Variants in FLRT2 observed in about 807,000 individuals in gnomAD.
FLRT2 encodes leucine-rich repeat transmembrane protein FLRT2.
A neutral mutation model predicts 40.0 loss-of-function variants in FLRT2; 15 were observed. That is an observed-to-expected ratio of 0.38 (90% confidence interval 0.25 to 0.58). The LOEUF (loss-of-function observed/expected upper bound fraction) is 0.58, where lower values mean the gene tolerates loss of function less well. FLRT2 is among the 20% of genes least tolerant of loss of function. The probability of loss-of-function intolerance (pLI) is 0.71; values close to 1 mark genes in which losing one functional copy is unlikely to be tolerated. For missense variants in FLRT2, 726 were observed against 840.0 expected (o/e 0.86, Z 1.68); for synonymous variants, 380 against 336.8 (o/e 1.13, Z -1.41).
intron 1 of FLRT2, among the ~76,000 whole-genome samples, chr14:85,556,859 A>G (rs533025511): frequency 8.5e-5 from 13 of 152,352 alleles, no homozygotes; most frequent in Non-Finnish European, 7.3e-5. Flanking sequence ...AGACATACCC[A>G]AGACTGGGAA....
Position 85,622,300 on chromosome 14 carries a change from C to T in FLRT2, c.786C>T (p.Asn262=), listed in dbSNP as rs2139371155. The T allele has an allele frequency of 6.2e-7, 1 of 1,614,126 alleles. No individual in the cohort carries two copies. The highest frequency in any genetic ancestry group is 2.2e-5 in the East Asian group (1 of 44,866). The change falls in exon 2 of 2, where the codon AAC becomes AAT. Residue 262 remains asparagine, a synonymous_variant. Coordinates refer to ENST00000330753, the MANE Select transcript of FLRT2 (RefSeq NM_013231.6). ...TGATCAGGCTCTATTTGCAGGACAA[C>T]CAGATAAACCACATTCCTTTGACAG... is the stretch of plus-strand genomic sequence containing the variant. ...THLIRLYLQD[N]QINHIPLTAF...
intron 1 of FLRT2, among the ~76,000 whole-genome samples, chr14:85,565,504 A>G (rs1387840569): frequency 2.0e-5 from 3 of 152,216 alleles, no homozygotes; most frequent in Non-Finnish European, 4.4e-5. Flanking sequence ...TATTATTAAT[A>G]GTGATATTAC....
At chr14:85,586,364 A>G (rs1891614800) in intron 1 of FLRT2, among the ~76,000 whole-genome samples, 1 of 152,090 alleles carries the variant, frequency 6.6e-6, no homozygotes, top group Non-Finnish European at 1.5e-5. Context: ...TGCTTACTGC[A>G]CTGACAATAC....
chr14:85,542,621 C>A (rs1889042725), intron 1 of FLRT2, among the ~76,000 whole-genome samples: 1 of 152,036 alleles, frequency 6.6e-6, no homozygotes, highest in Admixed American at 6.6e-5. Context: ...AACAAAAAGA[C>A]CTTGTTTTGC....
intron 1 of FLRT2, among the ~76,000 whole-genome samples, chr14:85,566,572 T>TGTGTGTGTGTGTGTGTGTGC (rs1218679592): frequency 9.3e-4 from 142 of 151,892 alleles, no homozygotes; most frequent in African/African-American, 3.2e-3. Context: ...TGTGTGTGTG[T>TGTGTGTGTGTGTGTGTGTGC]GTGTGCAAGA....
chr14:85,531,640 G>A (rs931917811), intron 1 of FLRT2, among the ~76,000 whole-genome samples: 1 of 152,114 alleles, frequency 6.6e-6, no homozygotes, highest in Admixed American at 6.5e-5. Context: ...CGCTACTGTC[G>A]TCGTTGGCGC....
rs1894378014 is a variant in FLRT2 at position 85,649,251 on chromosome 14, T to G, written c.*25754T>G. 1 of 152,042 alleles carries G rather than the reference T, an allele frequency of 6.6e-6. No homozygotes were observed. Among genetic ancestry groups the G allele is most frequent in the South Asian group, 2.1e-4 (1 of 4,824 alleles). 9.4% of individuals were successfully genotyped at this position (152,042 alleles called of 1,614,324 possible). On this transcript the variant is annotated 3_prime_UTR_variant, in exon 2 of 2. Coordinates refer to ENST00000330753, the MANE Select transcript of FLRT2 (RefSeq NM_013231.6). ...ATTTATTCCGGTTAACAATTTTACTTGAGTAGAAATCACTTGACTCAAATT... is the reference window on the plus strand; with the variant it reads ...ATTTATTCCGGTTAACAATTTTACTGGAGTAGAAATCACTTGACTCAAATT...
intron 1 of FLRT2, chr14:85,562,583 G>T (rs1197186308): frequency 1.4e-5 from 2 of 146,816 alleles, no homozygotes; most frequent in African/African-American, 5.1e-5. Context: ...CTTGAAGCTG[G>T]TTCCCAAATC....
chr14:85,619,305 G>A (rs923637995), intron 1 of FLRT2, among the ~76,000 whole-genome samples: 6 of 151,726 alleles, frequency 4.0e-5, no homozygotes, highest in Non-Finnish European at 1.5e-5. Flanking sequence ...AGCTGGTCTC[G>A]AACTCCTGGG....
rs1265446925 is a variant in FLRT2, at chr14:85,623,637, C to T, written c.*140C>T. ...GCATTTGAATACTCTGTAATTTATA[C>T]GGTGTACTATATAATGGGATTTAAA... On this transcript the variant is annotated 3_prime_UTR_variant, in exon 2 of 2. Transcript: ENST00000330753. 2 of 619,780 alleles carry T rather than the reference C, an allele frequency of 3.2e-6. No homozygotes were observed. The highest frequency in any genetic ancestry group is 3.1e-5 in the East Asian group (1 of 32,786). The allele number at this position is 619,780 out of a possible 1,614,324, so 38.4% of individuals were successfully genotyped here.
chr14:85,538,018 T>G (rs1888772067), intron 1 of FLRT2, among the ~76,000 whole-genome samples: 2 of 152,154 alleles, frequency 1.3e-5, no homozygotes, highest in South Asian at 4.1e-4. Flanking sequence ...GCAGAAAAAG[T>G]TCTGTAAAAC....
chr14:85,561,318 C>A (rs1890302108), intron 1 of FLRT2: 1 of 152,194 alleles, frequency 6.6e-6, no homozygotes, highest in African/African-American at 2.4e-5. Flanking sequence ...ATCAAGGTAT[C>A]TTACAATCTC....
intron 1 of FLRT2, among the ~76,000 whole-genome samples, chr14:85,607,085 C>G (rs1279092345): frequency 6.6e-6 from 1 of 151,888 alleles, no homozygotes; most frequent in Admixed American, 6.6e-5. Context: ...TCCACAAGAA[C>G]CAGTTTTTAT....
chr14:85,565,279 G>A (rs1890568037), intron 1 of FLRT2, among the ~76,000 whole-genome samples: 1 of 152,166 alleles, frequency 6.6e-6, no homozygotes, highest in African/African-American at 2.4e-5. Context: ...AATAACCTGA[G>A]TATGTATGCA....
intron 1 of FLRT2, among the ~76,000 whole-genome samples, chr14:85,538,298 G>A (rs750243987): frequency 1.5e-4 from 23 of 152,132 alleles, no homozygotes; most frequent in Admixed American, 5.9e-4. Flanking sequence ...AGGACACGTT[G>A]ATGATTCTCA....
intron 1 of FLRT2, among the ~76,000 whole-genome samples, chr14:85,586,783 T>A (rs956671584): frequency 4.6e-5 from 7 of 152,196 alleles, no homozygotes; most frequent in African/African-American, 1.7e-4. Flanking sequence ...AACTGAAATT[T>A]TAACGCCATT....
At chr14:85,584,558 T>C (rs567100700) in intron 1 of FLRT2, among the ~76,000 whole-genome samples, 50 of 152,306 alleles carry the variant, frequency 3.3e-4, no homozygotes, top group African/African-American at 1.0e-3. Context: ...GACATGACAG[T>C]ATGCCCCCCA....
chr14:85,592,531 G>A (rs980762551), intron 1 of FLRT2, among the ~76,000 whole-genome samples: 4 of 152,110 alleles, frequency 2.6e-5, no homozygotes, highest in African/African-American at 9.7e-5. Flanking sequence ...CGCAACGGCT[G>A]TAATCCCAGC....
intron 1 of FLRT2, among the ~76,000 whole-genome samples, chr14:85,555,692 TTTTATTTTATTTTA>T (rs1566725145): frequency 1.4e-4 from 20 of 147,966 alleles, no homozygotes; most frequent in East Asian, 1.2e-3. Context: ...CTGAAATCTA[TTTTATTTTATTTTA>T]TTTTATTTTA....
Sources: allele counts gnomAD v4.1 joint callset (sites outside exome capture counted in the v4.1 genomes callset), GRCh38; gene constraint gnomAD v4.1.1; transcripts MANE v1.5; gene names NCBI Gene and HGNC (gene_info 2026-07-23, HGNC 2026-07-21).